The following PRKCH variants were observed in gnomAD, a reference collection of about 807,000 sequenced individuals.
PRKCH encodes the protein protein kinase C eta.
In PRKCH, 28 loss-of-function variants were observed where a neutral mutation model predicts 82.5. The ratio of observed to expected loss-of-function variants is 0.34; its 90% confidence interval spans 0.25 to 0.47. The LOEUF is 0.47. PRKCH is among the 20% of genes least tolerant of loss of function. PRKCH has a pLI of 1.00. For missense variants in PRKCH, 705 were observed against 881.8 expected (o/e 0.80, Z 2.54); for synonymous variants, 322 against 327.4 (o/e 0.98, Z 0.18).
intron 1 of PRKCH, among the ~76,000 whole-genome samples, chr14:61,365,186 G>GA (rs1361833611): frequency 2.6e-5 from 4 of 152,076 alleles, no homozygotes; most frequent in African/African-American, 9.7e-5. Flanking sequence ...TGGTGTTTGA[G>GA]AACACAGTAG....
intron 2 of PRKCH, among the ~76,000 whole-genome samples, chr14:61,430,164 T>G (rs1250633253): frequency 1.3e-5 from 2 of 152,142 alleles, no homozygotes; most frequent in African/African-American, 4.8e-5. Context: ...GCAAAAGATT[T>G]GAACAGACAT....
intron 1 of PRKCH, among the ~76,000 whole-genome samples, chr14:61,227,648 G>A (rs967241375): frequency 5.3e-5 from 8 of 151,980 alleles, no homozygotes; most frequent in Non-Finnish European, 8.8e-5. Context: ...GGTTAAATGC[G>A]AACATTTTTA....
At chr14:61,389,092 T>C (rs941779955) in intron 1 of PRKCH, among the ~76,000 whole-genome samples, 2 of 152,198 alleles carry the variant, frequency 1.3e-5, no homozygotes, top group Non-Finnish European at 2.9e-5. Context: ...ATCTTTGAGA[T>C]TGGCTGGGCA....
chr14:61,260,584 G>A (rs1378700830), intron 1 of PRKCH, among the ~76,000 whole-genome samples: 1 of 152,180 alleles, frequency 6.6e-6, no homozygotes, highest in East Asian at 1.9e-4. Flanking sequence ...TAAACTTTCA[G>A]TTGGAATAAT....
At chr14:61,486,684 CTT>C (rs944702915) in intron 10 of PRKCH, among the ~76,000 whole-genome samples, 1 of 141,292 alleles carries the variant, frequency 7.1e-6, no homozygotes, top group Non-Finnish European at 1.5e-5. Flanking sequence ...TTCTTTCTTT[CTT>C]TTTTTTTTTT....
intron 10 of PRKCH, among the ~76,000 whole-genome samples, chr14:61,487,950 G>A (rs564996457): frequency 3.3e-5 from 5 of 152,114 alleles, no homozygotes; most frequent in South Asian, 2.1e-4. Context: ...TCAGGAGATC[G>A]AGACCATCCT....
At chr14:61,189,421 T>C (rs976060672) in intron 1 of PRKCH, among the ~76,000 whole-genome samples, 3 of 152,170 alleles carry the variant, frequency 2.0e-5, no homozygotes, top group Non-Finnish European at 4.4e-5. Flanking sequence ...CTTCTCGGAG[T>C]TGTCTCCAGT....
chr14:61,374,216 G>A (rs2046401089), intron 1 of PRKCH, among the ~76,000 whole-genome samples: 1 of 152,150 alleles, frequency 6.6e-6, no homozygotes, highest in Non-Finnish European at 1.5e-5. Flanking sequence ...CAAGGGGTGG[G>A]CTCCGAATGT....
At chr14:61,469,817 A>G (rs1885417904) in intron 9 of PRKCH, among the ~76,000 whole-genome samples, 1 of 151,838 alleles carries the variant, frequency 6.6e-6, no homozygotes, top group East Asian at 1.9e-4. Context: ...GTGCACTGGC[A>G]GGTTAGGGGG....
chr14:61,477,419 A>G (rs1885775243), intron 9 of PRKCH, among the ~76,000 whole-genome samples: 1 of 152,340 alleles, frequency 6.6e-6, no homozygotes. Flanking sequence ...TTCTGGAATG[A>G]TACATCTTCA....
At chr14:61,292,771 C>CAAAAAAAAA (rs33918460) in intron 1 of PRKCH, among the ~76,000 whole-genome samples, 1 of 69,570 alleles carries the variant, frequency 1.4e-5, no homozygotes. Flanking sequence ...ACTCCATCTC[C>CAAAAAAAAA]AAAAAAAAAA....
intron 1 of PRKCH, among the ~76,000 whole-genome samples, chr14:61,302,713 A>G (rs958407220): frequency 6.6e-6 from 1 of 152,102 alleles, no homozygotes; most frequent in Non-Finnish European, 1.5e-5. Flanking sequence ...TTGATTTCTA[A>G]TTTCATTCTG....
intron 1 of PRKCH, among the ~76,000 whole-genome samples, chr14:61,231,028 G>A (rs185874103): frequency 3.3e-4 from 51 of 152,278 alleles, no homozygotes; most frequent in Non-Finnish European, 8.8e-5. Context: ...CATTAACAGG[G>A]AGATACATTC....
chr14:61,403,896 G>C (rs573894474), intron 2 of PRKCH, among the ~76,000 whole-genome samples: 1 of 151,918 alleles, frequency 6.6e-6, no homozygotes, highest in Admixed American at 6.6e-5. Context: ...CTGAGGTTTG[G>C]GTAAAACAAG....
intron 1 of PRKCH, among the ~76,000 whole-genome samples, chr14:61,231,934 C>T (rs753135183): frequency 1.3e-5 from 2 of 152,184 alleles, no homozygotes; most frequent in Non-Finnish European, 2.9e-5. Context: ...GCAAGTAATC[C>T]TCCAGCAACA....
At chr14:61,503,434 CA>C (rs1206222295) in intron 10 of PRKCH, among the ~76,000 whole-genome samples, 1 of 152,092 alleles carries the variant, frequency 6.6e-6, no homozygotes, top group East Asian at 1.9e-4. Context: ...AGAATCTGTG[CA>C]GTCTTTGTCT....
At chr14:61,234,957 A>G (rs1176501658) in intron 1 of PRKCH, among the ~76,000 whole-genome samples, 1 of 152,186 alleles carries the variant, frequency 6.6e-6, no homozygotes, top group Non-Finnish European at 1.5e-5. Flanking sequence ...GTCCCAGAAG[A>G]CGCTGGAGGA....
chr14:61,469,743 A>G (rs1885414062), intron 9 of PRKCH, among the ~76,000 whole-genome samples: 1 of 152,208 alleles, frequency 6.6e-6, no homozygotes, highest in African/African-American at 2.4e-5. Flanking sequence ...AATTATCCAC[A>G]GCATCTCATG....
intron 10 of PRKCH, among the ~76,000 whole-genome samples, chr14:61,501,462 G>A (rs1418300417): frequency 6.6e-6 from 1 of 151,814 alleles, no homozygotes; most frequent in East Asian, 1.9e-4. Flanking sequence ...AAAAGCAGTA[G>A]CGAAAGCTAC....
Sources: gnomAD v4.1 joint callset for allele counts (sites outside exome capture counted in the v4.1 genomes callset) on GRCh38, gnomAD v4.1.1 for gene constraint, MANE v1.5 for transcripts, NCBI Gene and HGNC (gene_info 2026-07-23, HGNC 2026-07-21) for gene names.